The following ARHGAP22 variants were observed in gnomAD, a reference collection of about 807,000 sequenced individuals.
ARHGAP22 encodes the protein Rho GTPase activating protein 22.
A neutral mutation model predicts 59.1 loss-of-function variants in ARHGAP22; 48 were observed. That is an observed-to-expected ratio of 0.81 (90% CI 0.64 to 1.03). The LOEUF is 1.03. ARHGAP22 is among the 50% of genes least tolerant of loss of function. ARHGAP22 has a pLI of 0.00. For missense variants in ARHGAP22, 1,015 were observed against 958.7 expected (o/e 1.06, Z -0.78); for synonymous variants, 445 against 416.4 (o/e 1.07, Z -0.84).
At chr10:48,582,114 C>T (rs1275233030) in intron 2 of ARHGAP22, among the ~76,000 whole-genome samples, 2 of 152,220 alleles carry the variant, frequency 1.3e-5, no homozygotes, top group African/African-American at 2.4e-5. Flanking sequence ...TCTCTGCCCC[C>T]AAGCTGTGGG....
the ARHGAP22 span, chr10:48,435,084 A>G: frequency 7.5e-7 from 1 of 1,331,436 alleles, no homozygotes; most frequent in Non-Finnish European, 1.0e-6. Context: ...TCATTGATAG[A>G]ACTACTTTGA....
chr10:48,576,549 G>T (rs2058722225), intron 2 of ARHGAP22, among the ~76,000 whole-genome samples: 3 of 152,174 alleles, frequency 2.0e-5, no homozygotes, highest in African/African-American at 7.2e-5. Context: ...CCTGCCCCAT[G>T]GCTCTGACTT....
chr10:48,541,378 G>T (rs1050997159), intron 3 of ARHGAP22, among the ~76,000 whole-genome samples: 2 of 152,140 alleles, frequency 1.3e-5, no homozygotes, highest in African/African-American at 4.8e-5. Context: ...CTCCTCCTGC[G>T]CATCACCCCT....
chr10:48,562,843 A>C (rs1401545838), intron 2 of ARHGAP22, among the ~76,000 whole-genome samples: 1 of 152,268 alleles, frequency 6.6e-6, no homozygotes, highest in African/African-American at 2.4e-5. Context: ...TCAGTTATCA[A>C]AAAACTTTTA....
chr10:48,452,612 T>C (rs890662068), intron 8 of ARHGAP22, among the ~76,000 whole-genome samples: 1 of 152,236 alleles, frequency 6.6e-6, no homozygotes, highest in Non-Finnish European at 1.5e-5. Flanking sequence ...CTCTCATGCA[T>C]ACTCCACTGG....
At chr10:48,551,318 T>C (rs1170819608) in intron 3 of ARHGAP22, among the ~76,000 whole-genome samples, 3 of 152,214 alleles carry the variant, frequency 2.0e-5, no homozygotes, top group Non-Finnish European at 4.4e-5. Flanking sequence ...AGGGCCCATG[T>C]CATCCTCTTT....
At chr10:48,574,504 G>T (rs1420849205) in intron 2 of ARHGAP22, among the ~76,000 whole-genome samples, 3 of 152,210 alleles carry the variant, frequency 2.0e-5, no homozygotes, top group Admixed American at 6.5e-5. Context: ...GCTTATGAAG[G>T]ATGCACAGTT....
chr10:48,584,075 A>G (rs1036781407), intron 1 of ARHGAP22, among the ~76,000 whole-genome samples: 2 of 152,120 alleles, frequency 1.3e-5, no homozygotes, highest in South Asian at 4.1e-4. Context: ...TGTCAAGGCC[A>G]TTGCCACAGT....
intron 2 of ARHGAP22, among the ~76,000 whole-genome samples, chr10:48,558,118 C>A (rs1433586530): frequency 6.6e-6 from 1 of 152,078 alleles, no homozygotes; most frequent in Non-Finnish European, 1.5e-5. Flanking sequence ...AAATGCCCTC[C>A]CCCTCCATGG....
chr10:48,608,414 G>A (rs2060756681), upstream of ARHGAP22, among the ~76,000 whole-genome samples: 1 of 152,176 alleles, frequency 6.6e-6, no homozygotes, highest in Admixed American at 6.5e-5. Flanking sequence ...GCAGCTAGAG[G>A]AGGGAGCTTT....
chr10:48,619,905 A>G (rs2061224351), intron 1 of ARHGAP22, among the ~76,000 whole-genome samples: 1 of 152,224 alleles, frequency 6.6e-6, no homozygotes, highest in Non-Finnish European at 1.5e-5. Context: ...CAAAGAATGA[A>G]TAGACAAGCT....
At chr10:48,614,770 T>G (rs2135991901) in intron 1 of ARHGAP22, among the ~76,000 whole-genome samples, 1 of 152,320 alleles carries the variant, frequency 6.6e-6, no homozygotes, top group East Asian at 1.9e-4. Flanking sequence ...GCAAGAGTCT[T>G]GCAAATGACA....
Position 48,463,856 on chromosome 10 carries a change from C to T in ARHGAP22, c.452-3965G>A, listed in dbSNP as rs189428353. On this transcript the variant is annotated intron_variant, in intron 4 of 9. Transcript: ENST00000249601. ...CAGTGAAGGAGGGGACCGAGCTCTC[C>T]AGGGCCGCCACCCATCTCAACTCAC... Among the ~76,000 whole-genome samples, 120 of 152,320 alleles carry T rather than the reference C, an allele frequency of 7.9e-4. 1 individual carries two copies. The highest frequency in any genetic ancestry group is 2.8e-3 in the African/African-American group (116 of 41,562).
At chr10:48,606,405 T>A (rs141714676), upstream of ARHGAP22, among the ~76,000 whole-genome samples, 3 of 151,800 alleles carry the variant, frequency 2.0e-5, no homozygotes, top group African/African-American at 7.3e-5. Context: ...GAAGGTAGAG[T>A]CCATGGACAC....
intron 3 of ARHGAP22, among the ~76,000 whole-genome samples, chr10:48,523,098 C>T (rs2053960715): frequency 6.6e-6 from 1 of 152,224 alleles, no homozygotes; most frequent in African/African-American, 2.4e-5. Flanking sequence ...ATACACTTTT[C>T]GGAGGAAGGA....
At chr10:48,573,081 C>G (rs2058497850) in intron 2 of ARHGAP22, among the ~76,000 whole-genome samples, 1 of 152,136 alleles carries the variant, frequency 6.6e-6, no homozygotes, top group Non-Finnish European at 1.5e-5. Flanking sequence ...TAAAAGTTAG[C>G]TTTTATTTAG....
chr10:48,528,020 T>C (rs2054490627), intron 3 of ARHGAP22, among the ~76,000 whole-genome samples: 1 of 152,194 alleles, frequency 6.6e-6, no homozygotes, highest in African/African-American at 2.4e-5. Context: ...GCCCCATTCA[T>C]CCAGAGCTCT....
chr10:48,497,529 C>G (rs781154599), intron 3 of ARHGAP22, among the ~76,000 whole-genome samples: 7 of 152,168 alleles, frequency 4.6e-5, no homozygotes, highest in Non-Finnish European at 8.8e-5. Flanking sequence ...CGGTGGTCAG[C>G]GGACGCTGTG....
intron 5 of ARHGAP22, among the ~76,000 whole-genome samples, chr10:48,457,466 T>A (rs376821418): frequency 3.9e-5 from 6 of 152,288 alleles, no homozygotes; most frequent in African/African-American, 1.4e-4. Context: ...GAATTTCTAA[T>A]GCATGTGGGT....
Sources: gnomAD v4.1 joint callset for allele counts (sites outside exome capture counted in the v4.1 genomes callset) on GRCh38, gnomAD v4.1.1 for gene constraint, MANE v1.5 for transcripts, NCBI Gene and HGNC (gene_info 2026-07-23, HGNC 2026-07-21) for gene names.